Variants in ATP11A observed in about 807,000 individuals in gnomAD.
ATP11A encodes ATPase phospholipid transporting 11A.
A neutral mutation model predicts 154.4 loss-of-function variants in ATP11A; 81 were observed. The ratio of observed to expected loss-of-function variants is 0.52; its 90% confidence interval spans 0.44 to 0.63. The LOEUF (loss-of-function observed/expected upper bound fraction) is 0.63, where lower values mean the gene tolerates loss of function less well. ATP11A is among the 30% of genes least tolerant of loss of function. ATP11A has a pLI of 0.00. For missense variants in ATP11A, 1,316 were observed against 1,474.3 expected, an observed-to-expected ratio of 0.89 and a Z score of 1.76; for synonymous variants, 623 against 585.9, an observed-to-expected ratio of 1.06 and a Z score of -0.91.
chr13:112,746,425 T>C lies in ATP11A; in HGVS notation c.40-38710T>C, dbSNP rs1272220585. 2 of 152,180 alleles carry C rather than the reference T, an allele frequency of 1.3e-5. No homozygotes were observed. The highest frequency in any genetic ancestry group is 2.9e-5 in the Non-Finnish European group (2 of 68,078). 9.4% of individuals were successfully genotyped at this position (152,180 alleles called of 1,614,324 possible). A position where few individuals can be genotyped will look rare whatever the true frequency, so the allele number is the denominator to read the frequency against. On this transcript the variant is annotated intron_variant, in intron 1 of 29. Transcript: ENST00000375645. The surrounding 1 kb of genome is among the most constrained non-coding windows in gnomAD (Gnocchi z 4.1). ...CTCACCGGGTAACTGGGGTTCCGGC[T>C]CCCCGCGTCCTCCCCGGGTAACTGG...
intron 29 of ATP11A, 175 bp downstream of exon 29, chr13:112,878,478 G>C (rs562788011): frequency 1.6e-6 from 1 of 641,048 alleles, no homozygotes; most frequent in Non-Finnish European, 2.7e-6. Flanking sequence ...TGCACAGACT[G>C]ATCATGGGCT....
intron 25 of ATP11A, among the ~76,000 whole-genome samples, chr13:112,868,587 G>A (rs1213531816): frequency 6.6e-6 from 1 of 152,164 alleles, no homozygotes; most frequent in Non-Finnish European, 1.5e-5. Flanking sequence ...CTTCACTGGG[G>A]ATGGCGTTGA....
At chr13:112,846,674 C>T (rs80161195) in intron 17 of ATP11A, among the ~76,000 whole-genome samples, 6,026 of 152,326 alleles carry the variant, frequency 0.04, 170 homozygotes, top group Non-Finnish European at 0.059. Flanking sequence ...GGGGCAGGGA[C>T]GGTGCCCCTG....
intron 22 of ATP11A, chr13:112,858,779 T>C: frequency 6.2e-6 from 1 of 162,030 alleles, no homozygotes; most frequent in Admixed American, 5.6e-5. Context: ...ACCAAATTCA[T>C]GTAACTTTGA....
intron 1 of ATP11A, among the ~76,000 whole-genome samples, chr13:112,723,598 C>T (rs773293724): frequency 1.3e-5 from 2 of 151,396 alleles, no homozygotes; most frequent in Non-Finnish European, 2.9e-5. Context: ...GTTTTATGAT[C>T]TCTGTATTGA....
intron 17 of ATP11A, among the ~76,000 whole-genome samples, chr13:112,843,495 A>G (rs1003242485): frequency 3.3e-5 from 5 of 152,158 alleles, no homozygotes; most frequent in Non-Finnish European, 7.3e-5. Flanking sequence ...AAGAAACAGT[A>G]ACTGACAGGC....
chr13:112,769,267 C>T (rs927434983), intron 1 of ATP11A, among the ~76,000 whole-genome samples: 5 of 152,222 alleles, frequency 3.3e-5, no homozygotes, highest in African/African-American at 9.6e-5. Flanking sequence ...CAGGACCTCC[C>T]GGCCCCACGG....
intron 16 of ATP11A, among the ~76,000 whole-genome samples, chr13:112,840,382 ATT>A (rs1485534931): frequency 4.6e-4 from 17 of 36,592 alleles, no homozygotes; most frequent in African/African-American, 9.4e-4. Context: ...CAGCCTCCCC[ATT>A]CTCTCATCCC....
chr13:112,882,247 C>CGT lies in ATP11A; in HGVS notation c.*381_*382insGT. 2 of 668,476 alleles carry CGT rather than the reference C, an allele frequency of 3.0e-6. No homozygotes were observed. The highest frequency in any genetic ancestry group is 4.4e-6 in the Non-Finnish European group (2 of 454,536). The allele number at this position is 668,476 out of a possible 1,614,324, so 41.4% of individuals were successfully genotyped here. ...GGCTCAACGCAGGAGGGACATTCTG[C>CGT]TGGCCCACCCTGCGCGCTGTCATGC... On this transcript the variant is annotated 3_prime_UTR_variant, in exon 30 of 30. Transcript: ENST00000375645. This position sits in a 1 kb window ranked among gnomAD's most constrained non-coding sequence, Gnocchi z 5.1.
chr13:112,729,097 A>C (rs1890211272), intron 1 of ATP11A, among the ~76,000 whole-genome samples: 1 of 152,216 alleles, frequency 6.6e-6, no homozygotes, highest in Non-Finnish European at 1.5e-5. Flanking sequence ...CTGACGTCTT[A>C]AGAATCTGAG....
At chr13:112,709,791 T>C (rs1887535048) in intron 1 of ATP11A, among the ~76,000 whole-genome samples, 1 of 152,284 alleles carries the variant, frequency 6.6e-6, no homozygotes, top group South Asian at 2.1e-4. Context: ...GGACACATGT[T>C]CTCAGGACAT....
chr13:112,875,106 C>T lies in ATP11A; in HGVS notation c.3162-670C>T, dbSNP rs939926852. Among the ~76,000 whole-genome samples the T allele has an allele frequency of 2.6e-5, 4 of 152,238 alleles. No individual in the cohort carries two copies. The highest frequency in any genetic ancestry group is 9.6e-5 in the African/African-American group (4 of 41,464). ...CAGGTCTGCCAGCAGCTGCGTGTCC[C>T]TCCCGTTACCCACCATGCCCTGCTT... On this transcript the variant is annotated intron_variant, in intron 27 of 29. Transcript: ENST00000375645. The surrounding 1 kb of genome is among the most constrained non-coding windows in gnomAD (Gnocchi z 4.1).
intron 25 of ATP11A, among the ~76,000 whole-genome samples, chr13:112,869,239 G>C (rs1206270478): frequency 6.6e-6 from 1 of 152,240 alleles, no homozygotes; most frequent in East Asian, 1.9e-4. Context: ...TAATGGGTCA[G>C]CGTTTCTCAG....
rs1194579680 is a variant in ATP11A, at chr13:112,690,358, GGC to G, written c.-54_-53del. 1 of 1,222,460 alleles carries G rather than the reference GGC, an allele frequency of 8.2e-7. No individual in the cohort carries two copies. Among genetic ancestry groups the G allele is most frequent in the Non-Finnish European group, 1.0e-6 (1 of 977,058 alleles). 75.7% of individuals were successfully genotyped at this position (1,222,460 alleles called of 1,614,324 possible). ...CCGCACTAGTACCCCGGAGCCCATG[GGC>G]GCGCCGAGCCGGGCGCGGGGGCGCT... On this transcript the variant is annotated 5_prime_UTR_variant, in exon 1 of 30. The change abolishes the stop of an existing upstream ORF in the 5' untranslated region. Coordinates refer to ENST00000375645, the MANE Select transcript of ATP11A (RefSeq NM_015205.3). This position sits in a 1 kb window ranked among gnomAD's most constrained non-coding sequence, Gnocchi z 5.6.
chr13:112,878,478 G>A (rs562788011), intron 29 of ATP11A, 175 bp downstream of exon 29: 3 of 641,166 alleles, frequency 4.7e-6, no homozygotes, highest in East Asian at 5.5e-5. Context: ...TGCACAGACT[G>A]ATCATGGGCT....
At chr13:112,858,034 G>T in intron 21 of ATP11A, 111 bp from the exon 22 acceptor site, 1 of 1,562,886 alleles carries the variant, frequency 6.4e-7, no homozygotes, top group Non-Finnish European at 8.8e-7. Context: ...CCACCCTCGT[G>T]TGTGACCGGG....
intron 1 of ATP11A, among the ~76,000 whole-genome samples, chr13:112,706,942 G>A (rs572843194): frequency 2.7e-4 from 41 of 152,288 alleles, no homozygotes; most frequent in Admixed American, 4.6e-4. Flanking sequence ...ATTACTTGCC[G>A]TTTAAGTTTA....
intron 1 of ATP11A, among the ~76,000 whole-genome samples, chr13:112,773,306 G>A (rs1418215421): frequency 1.3e-5 from 2 of 152,170 alleles, no homozygotes; most frequent in Admixed American, 1.3e-4. Flanking sequence ...AGCAGTTTGC[G>A]TGGTGTCACC....
chr13:112,826,683 T>C lies in ATP11A; in HGVS notation c.1024-11T>C. The C allele has an allele frequency of 6.2e-7, 1 of 1,613,840 alleles. No homozygotes were observed. The highest frequency in any genetic ancestry group is 8.5e-7 in the Non-Finnish European group (1 of 1,179,892). On this transcript the variant is annotated splice_polypyrimidine_tract_variant and intron_variant, in intron 11 of 29. Coordinates refer to ENST00000375645, the MANE Select transcript of ATP11A (RefSeq NM_015205.3). ...GGTGGAGGTGCTGACCCGCACCTTC[T>C]GCTCTTGCAGTTCCTCAAGGCATTC...
Sources: gnomAD v4.1 joint callset for allele counts (sites outside exome capture counted in the v4.1 genomes callset) on GRCh38, gnomAD v4.1.1 for gene constraint, Gnocchi (gnomAD v3.1) non-coding constraint, MANE v1.5 for transcripts, NCBI Gene and HGNC (gene_info 2026-07-23, HGNC 2026-07-21) for gene names.